UACA: variants seen among roughly 807,000 people sequenced by gnomAD.
UACA encodes uveal autoantigen with coiled-coil domains and ankyrin repeats.
A neutral mutation model predicts 160.5 loss-of-function variants in UACA; 112 were observed. That is an observed-to-expected ratio of 0.70 (90% confidence interval 0.60 to 0.82). The LOEUF is 0.82. Ranked by LOEUF, UACA falls within the 40% of genes least tolerant of loss-of-function variation. The pLI, the probability that UACA is intolerant of heterozygous loss-of-function variation, is 0.00. For missense variants in UACA, 1,574 were observed against 1,614.6 expected (o/e 0.97, Z 0.43); for synonymous variants, 557 against 568.4 (o/e 0.98, Z 0.29).
In UACA at chr15:70,718,324, A is replaced by ATGTATGTGTGTGTGTGTG. The variant is rs1491091552; in HGVS notation, c.79-18665_79-18664insCACACACACACACATACA. On this transcript the variant is annotated intron_variant, in intron 1 of 18. Coordinates refer to ENST00000322954, the MANE Select transcript of UACA (RefSeq NM_018003.4). ...AGAGGGAGAGGGAGAGAGAGAGAGA[A>ATGTATGTGTGTGTGTGTG]TGTGTGTGTGTGTGTGTGTGTGTGT... is the stretch of plus-strand genomic sequence containing the variant. Among the ~76,000 whole-genome samples, 6 of 60,182 alleles carry ATGTATGTGTGTGTGTGTG rather than the reference A, an allele frequency of 1.0e-4. No homozygotes were observed. In the Admixed American group the frequency reaches 1.1e-3, roughly 11 times the overall value. 39.5% of individuals were successfully genotyped at this position (60,182 alleles called of 152,430 possible).
chr15:70,664,705 T>C lies in UACA; in HGVS notation c.4070A>G (p.Asp1357Gly). 6.2e-7 allele frequency: 1 copy of C among 1,613,608 alleles called. No homozygotes were observed. Among genetic ancestry groups the C allele is most frequent in the Non-Finnish European group, 8.5e-7 (1 of 1,179,806 alleles). Residue 1357 changes from aspartate (D) to glycine (G), a missense_variant, in exon 17 of 19, where the codon GAC becomes GGC. Asp to Gly is a moderately conservative substitution (Grantham distance 94). Transcript: ENST00000322954. ...NPTKRQSQLI[D>G]TLQHQVKSLE... ...AGATTTCACTTGGTGCTGCAGAGTG[T>C]CAATCAGCTGGCTCTGCCTCTTGGT...
chr15:70,668,341 T>G lies in UACA; in HGVS notation c.2343A>C (p.Glu781Asp), dbSNP rs1055504626. The change falls in exon 16 of 19, where the codon GAA (glutamate) becomes GAC (aspartate). Residue 781 changes from glutamate to aspartate, a missense_variant. Glu to Asp is a conservative substitution (Grantham distance 45). Transcript: ENST00000322954. ...CATTTTCCAGTAGCAATTTCTCCAT[T>G]TCCAACTTCTTTTCTGTATATTTTT... is the stretch of plus-strand genomic sequence containing the variant. The part of the protein sequence containing the change: ...VTQKYTEKKL[E>D]MEKLLLENDS... 47 of 1,609,906 alleles carry G rather than the reference T, an allele frequency of 2.9e-5. No individual in the cohort carries two copies. The highest frequency in any genetic ancestry group is 4.0e-5 in the Non-Finnish European group (47 of 1,179,130).
chr15:70,771,390 T>G, the UACA span, among the ~76,000 whole-genome samples: 2 of 152,246 alleles, frequency 1.3e-5, no homozygotes, highest in Non-Finnish European at 2.9e-5. Context: ...GAGATAATGC[T>G]TTCCTGCTGC....
chr15:70,708,452 T>C (rs937048055), intron 1 of UACA, among the ~76,000 whole-genome samples: 5 of 151,446 alleles, frequency 3.3e-5, no homozygotes, highest in Non-Finnish European at 7.4e-5. Flanking sequence ...GTGCAATCTC[T>C]CACAATACTA....
intron 1 of UACA, among the ~76,000 whole-genome samples, chr15:70,737,290 T>C (rs1899398970): frequency 6.6e-6 from 1 of 152,222 alleles, no homozygotes; most frequent in Non-Finnish European, 1.5e-5. Context: ...ATCCGTAGTA[T>C]TATAAATGTG....
chr15:70,676,363 T>C, intron 13 of UACA, 130 bp downstream of exon 13: 1 of 660,956 alleles, frequency 1.5e-6, no homozygotes, highest in South Asian at 2.4e-5. Context: ...GCAACAAGTT[T>C]GAAGACTTTA....
intron 1 of UACA, among the ~76,000 whole-genome samples, chr15:70,736,841 C>T (rs541777817): frequency 1.3e-5 from 2 of 152,292 alleles, no homozygotes; most frequent in Middle Eastern, 3.4e-3. Flanking sequence ...TCTATATTGA[C>T]GTGTTTATTC....
At chr15:70,775,293 G>A in the UACA span, among the ~76,000 whole-genome samples, 13 of 152,134 alleles carry the variant, frequency 8.5e-5, no homozygotes, top group Non-Finnish European at 1.6e-4. Context: ...CAAACTGTCA[G>A]TGTGACATTA....
chr15:70,756,995 G>T (rs181011660), intron 1 of UACA, among the ~76,000 whole-genome samples: 1 of 152,070 alleles, frequency 6.6e-6, no homozygotes, highest in Non-Finnish European at 1.5e-5. Context: ...ATATTTCCTC[G>T]ATTGTTTCAT....
intron 9 of UACA, among the ~76,000 whole-genome samples, chr15:70,680,911 T>C (rs1897479339): frequency 6.6e-6 from 1 of 152,228 alleles, no homozygotes; most frequent in Non-Finnish European, 1.5e-5. Context: ...GTCCTTATCA[T>C]ACAAGGTCCT....
intron 13 of UACA, among the ~76,000 whole-genome samples, chr15:70,672,557 A>G (rs146788686): frequency 5.7e-4 from 87 of 152,358 alleles, no homozygotes; most frequent in African/African-American, 2.0e-3. Context: ...TAGTTAGGAA[A>G]TAATAGAGAA....
intron 16 of UACA, chr15:70,665,016 C>A (rs1185742019): frequency 2.3e-6 from 1 of 426,530 alleles, no homozygotes; most frequent in East Asian, 3.8e-5. Flanking sequence ...AAATTATTTA[C>A]AAAAGCAATA....
Position 70,667,077 on chromosome 15 carries a change from TG to T in UACA, c.3606del (p.Lys1203AsnfsTer13). The T allele has an allele frequency of 6.2e-7, 1 of 1,613,456 alleles. No homozygotes were observed. Among genetic ancestry groups the T allele is most frequent in the Non-Finnish European group, 8.5e-7 (1 of 1,179,910 alleles). Reference sequence around the variant, plus strand: ...GTATTCTGAACCTCCGACTGAAGTTTGGAGACTTCTTCCATTTTGTTTTGGC... The same window carrying T: ...GTATTCTGAACCTCCGACTGAAGTTTGAGACTTCTTCCATTTTGTTTTGGC... ...EESQNKMEEV[S>X]KLQSEVQNTK... is the part of the protein sequence containing the mutation. On this transcript the variant is annotated frameshift_variant, in exon 16 of 19. Transcript: ENST00000322954. LOFTEE classifies it high-confidence loss of function.
chr15:70,711,383 C>T (rs112473834), intron 1 of UACA, among the ~76,000 whole-genome samples: 5,428 of 151,722 alleles, frequency 0.036, 160 homozygotes, highest in Middle Eastern at 0.092. Flanking sequence ...AAAATTAGGC[C>T]GGGCACGGTG....
In UACA at chr15:70,667,042, T is replaced by G. The variant is rs1056326; in HGVS notation, c.3642A>C (p.Ala1214=). ...CCTCTCTAGTCTCTAATTTTTTTAATGCTTGTTTAGTATTCTGAACCTCCG... is the reference window on the plus strand; with the variant it reads ...CCTCTCTAGTCTCTAATTTTTTTAAGGCTTGTTTAGTATTCTGAACCTCCG... ...LQSEVQNTKQ[A]LKKLETREVV... Residue 1214 remains alanine, a synonymous_variant, in exon 16 of 19, where the codon GCA becomes GCC. Coordinates refer to ENST00000322954, the MANE Select transcript of UACA (RefSeq NM_018003.4). 1 of 1,613,600 alleles carries G rather than the reference T, an allele frequency of 6.2e-7. No homozygotes were observed. The highest frequency in any genetic ancestry group is 1.7e-5 in the Admixed American group (1 of 59,960).
chr15:70,660,226 T>C lies in UACA; in HGVS notation c.4114-10A>G. The C allele has an allele frequency of 3.7e-6, 6 of 1,611,984 alleles. No individual in the cohort carries two copies. The highest frequency in any genetic ancestry group is 1.1e-5 in the South Asian group (1 of 90,802). ...GCTGTCTGTCAGCATCCTAGAAATGTGGAAAGATGGACAGATGTGACTATC... is the reference window on the plus strand; with the variant it reads ...GCTGTCTGTCAGCATCCTAGAAATGCGGAAAGATGGACAGATGTGACTATC... On this transcript the variant is annotated splice_polypyrimidine_tract_variant and intron_variant, in intron 17 of 18. Transcript: ENST00000322954.
intron 13 of UACA, among the ~76,000 whole-genome samples, chr15:70,672,210 C>T (rs1897161970): frequency 1.3e-5 from 2 of 151,848 alleles, no homozygotes; most frequent in African/African-American, 4.8e-5. Context: ...CTTCACTAAG[C>T]ATTTTAATAA....
intron 1 of UACA, among the ~76,000 whole-genome samples, chr15:70,757,332 A>T (rs1210533565): frequency 6.6e-6 from 1 of 152,188 alleles, no homozygotes; most frequent in Non-Finnish European, 1.5e-5. Flanking sequence ...AAGTATTTCC[A>T]CCACAAGATA....
Position 70,721,575 on chromosome 15 carries a change from C to T in UACA, c.79-21915G>A, listed in dbSNP as rs181074490. Reference sequence around the variant, plus strand: ...CCAGGAGGCAGAGCTTGCAGTGAGCCGAGATCACGCCACTGCACTCCAGCC... The same window carrying T: ...CCAGGAGGCAGAGCTTGCAGTGAGCTGAGATCACGCCACTGCACTCCAGCC... On this transcript the variant is annotated intron_variant, in intron 1 of 18. Coordinates refer to ENST00000322954, the MANE Select transcript of UACA (RefSeq NM_018003.4). Among the ~76,000 whole-genome samples the T allele has an allele frequency of 3.3e-3, 499 of 151,112 alleles. 2 individuals are homozygous for T. The Middle Eastern group carries it at 0.037, about 11-fold the overall frequency.
Sources: gnomAD v4.1 joint callset for allele counts (sites outside exome capture counted in the v4.1 genomes callset) on GRCh38, gnomAD v4.1.1 for gene constraint, MANE v1.5 for transcripts, NCBI Gene and HGNC (gene_info 2026-07-23, HGNC 2026-07-21) for gene names.